CERS6: variants seen among roughly 807,000 people sequenced by gnomAD.
The protein encoded by CERS6 is ceramide synthase 6.
CERS6 carries 26 observed loss-of-function variants against 56.8 expected under a neutral mutation model. That is an observed-to-expected ratio of 0.46 (90% CI 0.34 to 0.63). CERS6 has a LOEUF of 0.63. Among genes scored for constraint, CERS6 ranks in the 30% least tolerant of loss-of-function variants. The probability of loss-of-function intolerance (pLI) is 0.01; values close to 1 mark genes in which losing one functional copy is unlikely to be tolerated. For missense variants in CERS6, 415 were observed against 467.5 expected (o/e 0.89, Z 1.04); for synonymous variants, 164 against 173.3 (o/e 0.95, Z 0.42).
intron 3 of CERS6, among the ~76,000 whole-genome samples, chr2:168,619,684 CA>C (rs1684413474): frequency 6.6e-6 from 1 of 151,776 alleles, no homozygotes; most frequent in African/African-American, 2.4e-5. Flanking sequence ...CAAGAATGGC[CA>C]TAATAAAATC....
chr2:168,688,307 A>T (rs917754369), intron 4 of CERS6, among the ~76,000 whole-genome samples: 4 of 152,092 alleles, frequency 2.6e-5, no homozygotes, highest in Non-Finnish European at 4.4e-5. Flanking sequence ...AAATGATTCT[A>T]AAAAACTGGA....
At chr2:168,561,112 A>G in intron 2 of CERS6, 80 bp from the exon 3 acceptor site, 1 of 1,471,788 alleles carries the variant, frequency 6.8e-7, no homozygotes, top group South Asian at 1.2e-5. Flanking sequence ...AAAACCTCTC[A>G]GATATAGACA....
intron 8 of CERS6, among the ~76,000 whole-genome samples, chr2:168,760,082 C>T (rs1290907824): frequency 1.3e-5 from 2 of 152,146 alleles, no homozygotes; most frequent in Admixed American, 6.6e-5. Context: ...TGTCCAGCCT[C>T]CCTCAGATCC....
At chr2:168,733,680 C>CT (rs1203182824) in intron 8 of CERS6, among the ~76,000 whole-genome samples, 7 of 152,284 alleles carry the variant, frequency 4.6e-5, no homozygotes, top group Non-Finnish European at 8.8e-5. Flanking sequence ...AGGAGGAAGA[C>CT]TGAATAGGTT....
At chr2:168,490,831 A>G (rs1558969635) in intron 1 of CERS6, among the ~76,000 whole-genome samples, 1 of 151,516 alleles carries the variant, frequency 6.6e-6, no homozygotes, top group Non-Finnish European at 1.5e-5. Flanking sequence ...AGGAGAGAAT[A>G]TATGATGATA....
chr2:168,513,341 T>G (rs556955392), intron 1 of CERS6, among the ~76,000 whole-genome samples: 1 of 152,320 alleles, frequency 6.6e-6, no homozygotes, highest in Non-Finnish European at 1.5e-5. Context: ...AATGTCTTAG[T>G]TTTTACCAGA....
chr2:168,646,332 G>T (rs1263772034), intron 4 of CERS6, among the ~76,000 whole-genome samples: 2 of 151,970 alleles, frequency 1.3e-5, no homozygotes, highest in African/African-American at 4.8e-5. Context: ...TTGGCCACAT[G>T]TGTGTCTTCT....
intron 3 of CERS6, among the ~76,000 whole-genome samples, chr2:168,626,847 G>A (rs189595576): frequency 4.6e-5 from 7 of 152,172 alleles, no homozygotes; most frequent in Non-Finnish European, 7.4e-5. Context: ...TCCACAGATC[G>A]TTTAGGATTC....
intron 1 of CERS6, among the ~76,000 whole-genome samples, chr2:168,482,686 AGT>A (rs1472793122): frequency 1.3e-5 from 2 of 152,250 alleles, no homozygotes; most frequent in African/African-American, 2.4e-5. Flanking sequence ...ATCTTTGATT[AGT>A]GCAGTGGCAC....
At chr2:168,591,303 A>G (rs1240440946) in intron 3 of CERS6, among the ~76,000 whole-genome samples, 8 of 152,248 alleles carry the variant, frequency 5.3e-5, no homozygotes, top group African/African-American at 1.7e-4. Flanking sequence ...TCTCTAGAAG[A>G]TAGCCCAAAT....
intron 1 of CERS6, among the ~76,000 whole-genome samples, chr2:168,475,401 C>T (rs1324244289): frequency 6.6e-6 from 1 of 151,856 alleles, no homozygotes; most frequent in Non-Finnish European, 1.5e-5. Flanking sequence ...AGAATAAAGA[C>T]ATTCTAGGAT....
chr2:168,653,620 C>G (rs555798416), intron 4 of CERS6, among the ~76,000 whole-genome samples: 1 of 152,216 alleles, frequency 6.6e-6, no homozygotes, highest in Non-Finnish European at 1.5e-5. Context: ...ATCAGCTCCA[C>G]GTGACTGCCT....
chr2:168,610,123 G>A (rs1405876939), intron 3 of CERS6, among the ~76,000 whole-genome samples: 7 of 151,694 alleles, frequency 4.6e-5, no homozygotes, highest in African/African-American at 9.7e-5. Context: ...GACTACAGGC[G>A]CCCACCACCA....
At chr2:168,703,110 T>A (rs1442875946) in intron 6 of CERS6, among the ~76,000 whole-genome samples, 2 of 152,252 alleles carry the variant, frequency 1.3e-5, no homozygotes, top group African/African-American at 4.8e-5. Context: ...TAAATATTTT[T>A]AAAAATTTCT....
chr2:168,570,998 A>G (rs1176152705), intron 3 of CERS6, among the ~76,000 whole-genome samples: 5 of 152,168 alleles, frequency 3.3e-5, no homozygotes, highest in Non-Finnish European at 5.9e-5. Context: ...GGAGCCATCA[A>G]TTGTAATACT....
intron 1 of CERS6, among the ~76,000 whole-genome samples, chr2:168,495,986 C>CT (rs1159635059): frequency 1.3e-5 from 2 of 152,214 alleles, no homozygotes; most frequent in Non-Finnish European, 2.9e-5. Context: ...TATTTGTGTC[C>CT]TTTGCAGTTA....
intron 1 of CERS6, among the ~76,000 whole-genome samples, chr2:168,539,700 T>TAATC (rs1265067139): frequency 2.0e-5 from 3 of 152,228 alleles, no homozygotes; most frequent in African/African-American, 7.2e-5. Context: ...TGATAATACT[T>TAATC]ACTCTGATGC....
At chr2:168,632,938 A>G (rs1684781203) in intron 4 of CERS6, among the ~76,000 whole-genome samples, 1 of 152,138 alleles carries the variant, frequency 6.6e-6, no homozygotes, top group African/African-American at 2.4e-5. Context: ...CAATGCGGTT[A>G]TCTGTCATCA....
At chr2:168,736,082 G>A (rs1167993589) in intron 8 of CERS6, among the ~76,000 whole-genome samples, 1 of 151,984 alleles carries the variant, frequency 6.6e-6, no homozygotes, top group Non-Finnish European at 1.5e-5. Context: ...AGGCATGGTG[G>A]TGTTTTGATT....
Sources: allele counts gnomAD v4.1 joint callset (sites outside exome capture counted in the v4.1 genomes callset), GRCh38; gene constraint gnomAD v4.1.1; transcripts MANE v1.5; gene names NCBI Gene and HGNC (gene_info 2026-07-23, HGNC 2026-07-21).